Variants in PEAK1 observed in about 807,000 individuals in gnomAD.
PEAK1 encodes pseudopodium enriched atypical kinase 1.
In PEAK1, 54 loss-of-function variants were observed where a neutral mutation model predicts 124.7. The ratio of observed to expected loss-of-function variants is 0.43; its 90% CI spans 0.35 to 0.54. The LOEUF (loss-of-function observed/expected upper bound fraction) is 0.54. Ranked by LOEUF, PEAK1 falls within the 20% of genes least tolerant of loss-of-function variation. The pLI is 0.01. For missense variants in PEAK1, 2,046 were observed against 2,134.5 expected (o/e 0.96, Z 0.82); for synonymous variants, 719 against 760.0 (o/e 0.95, Z 0.89).
intron 5 of PEAK1, among the ~76,000 whole-genome samples, chr15:77,261,648 G>C (rs2061447192): frequency 1.3e-5 from 2 of 152,180 alleles, no homozygotes; most frequent in Admixed American, 6.5e-5. Flanking sequence ...GTACCTGAAA[G>C]TGACGGGGAG....
chr15:77,356,633 C>G (rs1312117113), intron 2 of PEAK1, among the ~76,000 whole-genome samples: 1 of 150,708 alleles, frequency 6.6e-6, no homozygotes, highest in Non-Finnish European at 1.5e-5. Flanking sequence ...ATTCTTAATC[C>G]CAGGAATAAA....
chr15:77,247,993 ATCT>A (rs2060674780), intron 6 of PEAK1, among the ~76,000 whole-genome samples: 1 of 152,074 alleles, frequency 6.6e-6, no homozygotes, highest in African/African-American at 2.4e-5. Flanking sequence ...GAAGTGTTAA[ATCT>A]TCTTTTATTT....
Position 77,298,197 on chromosome 15 carries a change from A to ATTTTTTTTTTTTTTTTTTTTTTT in PEAK1, c.-602-11716_-602-11694dup, listed in dbSNP as rs749000554. Among the ~76,000 whole-genome samples the ATTTTTTTTTTTTTTTTTTTTTTT allele has an allele frequency of 2.9e-4, 11 of 37,822 alleles. 2 individuals are homozygous for ATTTTTTTTTTTTTTTTTTTTTTT. The highest frequency in any genetic ancestry group is 6.7e-4 in the African/African-American group (5 of 7,414). 24.8% of individuals were successfully genotyped at this position (37,822 alleles called of 152,430 possible). On this transcript the variant is annotated intron_variant, in intron 2 of 9. Coordinates refer to ENST00000682557, the MANE Select transcript of PEAK1 (RefSeq NM_001385026.1). ...TAGCTTCTTTTGTTTGGTATCCTTA[A>ATTTTTTTTTTTTTTTTTTTTTTT]TTTTTTTTTTTTTTTTTTTTTTTTT... is the stretch of plus-strand genomic sequence containing the variant.
intron 1 of PEAK1, among the ~76,000 whole-genome samples, chr15:77,369,030 T>C (rs1036846762): frequency 2.0e-5 from 3 of 152,214 alleles, no homozygotes; most frequent in Non-Finnish European, 4.4e-5. Flanking sequence ...ACATGTTGTA[T>C]TCAAAAAGTA....
chr15:77,240,711 C>G (rs928984596), intron 6 of PEAK1, among the ~76,000 whole-genome samples: 2 of 151,978 alleles, frequency 1.3e-5, no homozygotes, highest in Non-Finnish European at 2.9e-5. Flanking sequence ...CATAGTAAAA[C>G]TGACAACACC....
Position 77,114,116 on chromosome 15 carries a change from A to G in PEAK1, c.*40T>C, listed in dbSNP as rs1324863989. 9 of 1,586,906 alleles carry G rather than the reference A, an allele frequency of 5.7e-6. No homozygotes were observed. The highest frequency in any genetic ancestry group is 1.1e-5 in the South Asian group (1 of 88,080). The stretch of plus-strand genomic sequence containing the variant: ...GAGGGGAAGTGCATGGGTGACATGA[A>G]GAAGGTGAAGATGTAGTAAAAGCAT... On this transcript the variant is annotated 3_prime_UTR_variant, in exon 10 of 10. Transcript: ENST00000682557.
chr15:77,321,125 T>A (rs914323229), intron 2 of PEAK1, among the ~76,000 whole-genome samples: 1 of 152,236 alleles, frequency 6.6e-6, no homozygotes, highest in African/African-American at 2.4e-5. Flanking sequence ...AACATATGTG[T>A]GCATGTGTCT....
At chr15:77,265,633 T>C (rs980081176) in intron 5 of PEAK1, among the ~76,000 whole-genome samples, 4 of 151,578 alleles carry the variant, frequency 2.6e-5, no homozygotes, top group Non-Finnish European at 4.4e-5. Context: ...TGTGGAGAAA[T>C]AGGAACACTT....
intron 1 of PEAK1, chr15:77,403,901 T>C: frequency 1.0e-6 from 1 of 984,434 alleles, no homozygotes; most frequent in Non-Finnish European, 1.2e-6. Context: ...GAATGACTTT[T>C]TTTAATTTCC....
intron 2 of PEAK1, among the ~76,000 whole-genome samples, chr15:77,303,973 T>C (rs2063927474): frequency 6.6e-6 from 1 of 152,226 alleles, no homozygotes; most frequent in East Asian, 1.9e-4. Flanking sequence ...GAAAATGTCA[T>C]CTTTTGTTAA....
chr15:77,184,207 A>T (rs1456455731), intron 6 of PEAK1, among the ~76,000 whole-genome samples: 2 of 151,884 alleles, frequency 1.3e-5, no homozygotes, highest in East Asian at 3.8e-4. Context: ...TGTAGTAAAT[A>T]AAATTTATAA....
Position 77,247,485 on chromosome 15 carries a change from C to CTTTTTTTTTTTTTTTT in PEAK1, c.-115+4866_-115+4881dup, listed in dbSNP as rs398028029. The stretch of plus-strand genomic sequence containing the variant: ...TTTTTTCTCTTTTTTCTTTTCTTTT[C>CTTTTTTTTTTTTTTTT]TTTTTTTTTTTTTTTTTTTTTGAGA... On this transcript the variant is annotated intron_variant, in intron 6 of 9. Coordinates refer to ENST00000682557, the MANE Select transcript of PEAK1 (RefSeq NM_001385026.1). 7.8e-4 allele frequency among the ~76,000 whole-genome samples: 66 copies of CTTTTTTTTTTTTTTTT among 84,302 alleles called. 1 individual carries two copies. Among genetic ancestry groups the CTTTTTTTTTTTTTTTT allele is most frequent in the Non-Finnish European group, 9.9e-4 (47 of 47,576 alleles). The allele number at this position is 84,302 out of a possible 152,430, so 55.3% of individuals were successfully genotyped here. A position where few individuals can be genotyped will look rare whatever the true frequency, so the allele number is the denominator to read the frequency against.
chr15:77,419,348 G>A, intron 1 of PEAK1: 3 of 985,300 alleles, frequency 3.0e-6, no homozygotes, highest in Non-Finnish European at 3.6e-6. Flanking sequence ...CCCCATCGAA[G>A]GAGGAAAGAA....
intron 2 of PEAK1, chr15:77,352,433 A>G: frequency 2.0e-6 from 2 of 985,286 alleles, no homozygotes; most frequent in Non-Finnish European, 2.4e-6. Context: ...TACACGCACC[A>G]CTAGGCCTGA....
intron 9 of PEAK1, among the ~76,000 whole-genome samples, chr15:77,130,447 G>A (rs2052760793): frequency 6.6e-6 from 1 of 152,094 alleles, no homozygotes; most frequent in African/African-American, 2.4e-5. Flanking sequence ...TGGAGCACAG[G>A]GTTACTCTGC....
intron 5 of PEAK1, among the ~76,000 whole-genome samples, chr15:77,258,708 A>G (rs1306739332): frequency 6.6e-6 from 1 of 152,086 alleles, no homozygotes; most frequent in Non-Finnish European, 1.5e-5. Context: ...CTAATTGAAT[A>G]CCCTTTATTT....
intron 6 of PEAK1, among the ~76,000 whole-genome samples, chr15:77,239,100 G>T (rs2060248522): frequency 6.6e-6 from 1 of 152,156 alleles, no homozygotes; most frequent in African/African-American, 2.4e-5. Context: ...GCAAGGAGAG[G>T]TTGCAGCATG....
intron 9 of PEAK1, among the ~76,000 whole-genome samples, chr15:77,132,599 G>A (rs537595766): frequency 6.6e-6 from 1 of 151,242 alleles, no homozygotes; most frequent in African/African-American, 2.4e-5. Flanking sequence ...GGAGGCTGAG[G>A]CACAATAATT....
chr15:77,234,196 T>G (rs779706831), intron 6 of PEAK1, among the ~76,000 whole-genome samples: 5 of 152,222 alleles, frequency 3.3e-5, no homozygotes, highest in Non-Finnish European at 4.4e-5. Context: ...GTAAACCTTA[T>G]GCATAAAAGT....
Sources: allele counts gnomAD v4.1 joint callset (sites outside exome capture counted in the v4.1 genomes callset), GRCh38; gene constraint gnomAD v4.1.1; transcripts MANE v1.5; gene names NCBI Gene and HGNC (gene_info 2026-07-23, HGNC 2026-07-21).